The following UGT1A10 variants were observed in gnomAD, a reference collection of about 807,000 sequenced individuals.
UGT1A10 encodes the protein UDP glucuronosyltransferase family 1 member A10.
A neutral mutation model predicts 45.8 loss-of-function variants in UGT1A10; 49 were observed. The ratio of observed to expected loss-of-function variants is 1.07; its 90% confidence interval spans 0.85 to 1.36. The LOEUF (loss-of-function observed/expected upper bound fraction) is 1.36. Ranked by LOEUF, UGT1A10 falls within the 40% of genes most tolerant of loss-of-function variation. UGT1A10 has a pLI of 0.00. For missense variants in UGT1A10, 745 were observed against 668.6 expected, an observed-to-expected ratio of 1.11 and a Z score of -1.26; for synonymous variants, 284 against 249.7, an observed-to-expected ratio of 1.14 and a Z score of -1.29.
At chr2:233,641,399 T>C (rs1263183430) in intron 1 of UGT1A10, among the ~76,000 whole-genome samples, 2 of 152,180 alleles carry the variant, frequency 1.3e-5, no homozygotes, top group Non-Finnish European at 2.9e-5. Context: ...TAGAAACTAG[T>C]CTTAACTTTG....
chr2:233,638,116 C>T (rs2073350715), intron 1 of UGT1A10, among the ~76,000 whole-genome samples: 1 of 152,094 alleles, frequency 6.6e-6, no homozygotes. Flanking sequence ...ACAGGGTTTT[C>T]CTGAATTGAG....
chr2:233,649,722 C>A (rs1575400861), intron 1 of UGT1A10, among the ~76,000 whole-genome samples: 1 of 152,300 alleles, frequency 6.6e-6, no homozygotes, highest in South Asian at 2.1e-4. Flanking sequence ...CTAACTTCTT[C>A]AAAACAACAA....
chr2:233,762,413 T>A (rs977567909), intron 1 of UGT1A10, among the ~76,000 whole-genome samples: 9 of 152,252 alleles, frequency 5.9e-5, no homozygotes, highest in African/African-American at 2.2e-4. Flanking sequence ...GGTTGCTTTT[T>A]CTACAAAATA....
At position 233,659,349 on chromosome 2, in the gene UGT1A10, C is replaced by T. The variant is rs115416905; in HGVS notation, c.855+21972C>T. ...TGTATAGCAGAAGCCTTACCAATAA[C>T]GTAAATAGCCAATGAACACATATTT... On this transcript the variant is annotated intron_variant, in intron 1 of 4. Coordinates refer to ENST00000344644, the MANE Select transcript of UGT1A10 (RefSeq NM_019075.4). Among the ~76,000 whole-genome samples the T allele has an allele frequency of 3.8e-3, 572 of 152,058 alleles. 4 individuals are homozygous for T. The highest frequency in any genetic ancestry group is 0.01 in the African/African-American group (423 of 41,470).
intron 1 of UGT1A10, among the ~76,000 whole-genome samples, chr2:233,670,273 G>A (rs1025063901): frequency 2.0e-5 from 3 of 152,198 alleles, no homozygotes; most frequent in Admixed American, 6.5e-5. Flanking sequence ...GGTTGGTTTT[G>A]CTGTTTCAGG....
chr2:233,644,630 G>A (rs2073551251), intron 1 of UGT1A10, among the ~76,000 whole-genome samples: 1 of 152,158 alleles, frequency 6.6e-6, no homozygotes. Context: ...AGCTGAGTTT[G>A]GTCTGGGTTT....
In UGT1A10 at chr2:233,700,897, G is replaced by A. The variant is rs567027722; in HGVS notation, c.855+63520G>A. 8.2e-5 allele frequency among the ~76,000 whole-genome samples: 12 copies of A among 147,132 alleles called. 1 individual carries two copies. The East Asian group carries it at 2.2e-3, about 26-fold the overall frequency. ...CTCCCCCCACCCCACAACAGTCCCC[G>A]GTGTGTGACGTTCCTCTTCCTGTGT... is the stretch of plus-strand genomic sequence containing the variant. On this transcript the variant is annotated intron_variant, in intron 1 of 4. Coordinates refer to ENST00000344644, the MANE Select transcript of UGT1A10 (RefSeq NM_019075.4).
At chr2:233,734,546 C>A (rs975748353) in intron 1 of UGT1A10, among the ~76,000 whole-genome samples, 4 of 151,914 alleles carry the variant, frequency 2.6e-5, no homozygotes, top group Non-Finnish European at 5.9e-5. Context: ...TATTTCTTCC[C>A]TTCTGCTAGC....
intron 1 of UGT1A10, among the ~76,000 whole-genome samples, chr2:233,725,237 G>A: frequency 1.2e-5 from 1 of 85,832 alleles, no homozygotes; most frequent in Non-Finnish European, 2.1e-5. Context: ...AGGCAGAGGA[G>A]GCAGAGGCAG....
intron 1 of UGT1A10, among the ~76,000 whole-genome samples, chr2:233,702,680 G>A (rs1358837943): frequency 7.2e-5 from 11 of 152,088 alleles, no homozygotes; most frequent in African/African-American, 1.7e-4. Flanking sequence ...TACCTGAGGT[G>A]TTTGGTTTTG....
chr2:233,661,685 A>T, intron 1 of UGT1A10, among the ~76,000 whole-genome samples: 1 of 28,624 alleles, frequency 3.5e-5, no homozygotes, highest in African/African-American at 1.7e-4. Flanking sequence ...CTTTCTTTTT[A>T]AACAAAGGTC....
rs192915169 is a variant in UGT1A10, at chr2:233,741,002, A to C, written c.856-26032A>C. ...CTGGGAATGCTGAGGAGGAAGGATC[A>C]CTTGAGCCCAGGAATTCGTGGTTAC... is the stretch of plus-strand genomic sequence containing the variant. On this transcript the variant is annotated intron_variant, in intron 1 of 4. Transcript: ENST00000344644. The C allele has an allele frequency of 3.0e-4, 45 of 151,886 alleles. 2 individuals are homozygous for C. The highest frequency in any genetic ancestry group is 1.0e-3 in the African/African-American group (41 of 41,190). 9.4% of individuals were successfully genotyped at this position (151,886 alleles called of 1,614,324 possible). A position where few individuals can be genotyped will look rare whatever the true frequency, so the allele number is the denominator to read the frequency against.
chr2:233,755,006 C>T (rs1286236812), intron 1 of UGT1A10: 2 of 1,291,954 alleles, frequency 1.5e-6, no homozygotes, highest in Admixed American at 1.9e-5. Context: ...TGAAGACCTA[C>T]TCGAAGGGGT....
At chr2:233,731,308 T>G (rs962546362) in intron 1 of UGT1A10, among the ~76,000 whole-genome samples, 3 of 151,716 alleles carry the variant, frequency 2.0e-5, no homozygotes, top group African/African-American at 7.3e-5. Context: ...TATTATACTT[T>G]AAGTTCTAGG....
At chr2:233,638,032 A>G (rs370018808) in intron 1 of UGT1A10, among the ~76,000 whole-genome samples, 2 of 152,138 alleles carry the variant, frequency 1.3e-5, no homozygotes, top group African/African-American at 2.4e-5. Context: ...ACACTCTTCA[A>G]TACTTTCCTT....
intron 4 of UGT1A10, chr2:233,770,959 T>C (rs1275512956): frequency 1.3e-5 from 2 of 152,178 alleles, no homozygotes; most frequent in East Asian, 3.9e-4. Context: ...AGGGAGCTTT[T>C]ACTCATGGCA....
Position 233,767,926 on chromosome 2 carries a change from C to T in UGT1A10, c.1065C>T (p.Asn355=). 5.6e-6 allele frequency: 9 copies of T among 1,614,196 alleles called. No homozygotes were observed. Among genetic ancestry groups the T allele is most frequent in the South Asian group, 1.1e-5 (1 of 91,082 alleles). The change falls in exon 3 of 5, where the codon AAC becomes AAT. Residue 355 remains asparagine, a synonymous_variant. Coordinates refer to ENST00000344644, the MANE Select transcript of UGT1A10 (RefSeq NM_019075.4). The part of the protein sequence containing the change: ...NTILVKWLPQ[N]DLLGHPMTRA... The stretch of plus-strand genomic sequence containing the variant: ...TACTTGTTAAGTGGCTACCCCAAAA[C>T]GATCTGCTTGGTATGTTGGGCGGAT...
chr2:233,714,873 C>A (rs1233346677), intron 1 of UGT1A10, among the ~76,000 whole-genome samples: 1 of 147,466 alleles, frequency 6.8e-6, no homozygotes, highest in African/African-American at 2.5e-5. Flanking sequence ...AAAATTCTAT[C>A]TTTTAAATTT....
intron 1 of UGT1A10, among the ~76,000 whole-genome samples, chr2:233,740,339 A>G (rs1249228201): frequency 7.9e-5 from 12 of 151,952 alleles, no homozygotes; most frequent in Non-Finnish European, 1.5e-4. Flanking sequence ...GAGAAAGTTG[A>G]TGAGAAAGTG....
Sources: allele counts gnomAD v4.1 joint callset (sites outside exome capture counted in the v4.1 genomes callset), GRCh38; gene constraint gnomAD v4.1.1; transcripts MANE v1.5; gene names NCBI Gene and HGNC (gene_info 2026-07-23, HGNC 2026-07-21).